The following HIPK3 variants were observed in gnomAD, a reference collection of about 807,000 sequenced individuals.
The protein encoded by HIPK3 is homeodomain-interacting protein kinase 3.
HIPK3 carries 47 observed loss-of-function variants against 124.2 expected under a neutral mutation model. The ratio of observed to expected loss-of-function variants is 0.38; its 90% CI spans 0.30 to 0.48. The LOEUF is 0.48. Among genes scored for constraint, HIPK3 ranks in the 20% least tolerant of loss-of-function variants. The pLI is 0.98. For missense variants in HIPK3, 1,286 were observed against 1,454.3 expected, an observed-to-expected ratio of 0.88 and a Z score of 1.88; for synonymous variants, 482 against 515.2, an observed-to-expected ratio of 0.94 and a Z score of 0.87.
chr11:33,336,867 A>C (rs1449693171), intron 3 of HIPK3, among the ~76,000 whole-genome samples: 1 of 152,222 alleles, frequency 6.6e-6, no homozygotes, highest in Non-Finnish European at 1.5e-5. Flanking sequence ...TACTTTAGGT[A>C]TGCCTTTTCT....
At chr11:33,278,679 C>T (rs1851331991) in intron 1 of HIPK3, among the ~76,000 whole-genome samples, 1 of 152,028 alleles carries the variant, frequency 6.6e-6, no homozygotes, top group Non-Finnish European at 1.5e-5. Context: ...TCCGTCTCTA[C>T]TAAAAATACG....
intron 1 of HIPK3, among the ~76,000 whole-genome samples, chr11:33,273,428 G>A (rs1387502612): frequency 4.4e-5 from 6 of 135,594 alleles, no homozygotes; most frequent in African/African-American, 1.7e-4. Context: ...AGAATGGCGT[G>A]AACCTGGGAG....
intron 2 of HIPK3, among the ~76,000 whole-genome samples, chr11:33,295,873 AT>A (rs1351325884): frequency 6.6e-6 from 1 of 152,254 alleles, no homozygotes; most frequent in East Asian, 1.9e-4. Flanking sequence ...TAAAGTTACC[AT>A]TTTTTTCTTT....
chr11:33,293,308 T>A, intron 2 of HIPK3, among the ~76,000 whole-genome samples: 1 of 152,214 alleles, frequency 6.6e-6, no homozygotes, highest in East Asian at 1.9e-4. Context: ...GCACAATCAA[T>A]TAAAATTTTA....
intron 1 of HIPK3, among the ~76,000 whole-genome samples, chr11:33,272,592 A>G (rs1385421423): frequency 6.6e-6 from 1 of 151,736 alleles, no homozygotes; most frequent in Non-Finnish European, 1.5e-5. Flanking sequence ...AATGAGAGAG[A>G]TCTTTCTCCT....
intron 2 of HIPK3, among the ~76,000 whole-genome samples, chr11:33,288,045 A>G (rs1329630113): frequency 6.6e-6 from 1 of 152,170 alleles, no homozygotes; most frequent in Non-Finnish European, 1.5e-5. Context: ...CCCAAATTTG[A>G]AAATTCGTTT....
chr11:33,292,880 C>T (rs920555904), intron 2 of HIPK3, among the ~76,000 whole-genome samples: 6 of 152,086 alleles, frequency 3.9e-5, no homozygotes, highest in African/African-American at 7.2e-5. Context: ...GGACTACAGG[C>T]GCCCGCCACC....
rs111337935 is a variant in HIPK3 at position 33,278,124 on chromosome 11, A to G, written c.-2-8289A>G. On this transcript the variant is annotated intron_variant, in intron 1 of 16. Coordinates refer to ENST00000303296, the MANE Select transcript of HIPK3 (RefSeq NM_005734.5). Reference sequence around the variant, plus strand: ...GTTTTTTACATCTTCTTTAAAGAAAACCTCTCCTTTCTGTCAGAGGTTGAT... The same window carrying G: ...GTTTTTTACATCTTCTTTAAAGAAAGCCTCTCCTTTCTGTCAGAGGTTGAT... Among the ~76,000 whole-genome samples the G allele has an allele frequency of 2.4e-3, 371 of 152,164 alleles. 1 individual carries two copies. Among genetic ancestry groups the G allele is most frequent in the African/African-American group, 8.4e-3 (348 of 41,496 alleles).
chr11:33,334,193 T>C (rs1853070087), intron 3 of HIPK3, among the ~76,000 whole-genome samples: 1 of 152,102 alleles, frequency 6.6e-6, no homozygotes, highest in East Asian at 1.9e-4. Context: ...TGTAAAAAAT[T>C]GTAATATAGT....
chr11:33,351,765 CCAG>C lies in HIPK3; in HGVS notation c.2967_2969del (p.Ala990del), dbSNP rs1286677351. The C allele has an allele frequency of 6.2e-7, 1 of 1,614,160 alleles. No individual in the cohort carries two copies. Among genetic ancestry groups the C allele is most frequent in the East Asian group, 2.2e-5 (1 of 44,884 alleles). On this transcript the variant is annotated inframe_deletion, in exon 15 of 17. Transcript: ENST00000303296. ...ATCCTCTGCTGACACAGAAACCAAG[CCAG>C]CTGTCTGTTCTGTTGTGGTGCCACC...
intron 1 of HIPK3, among the ~76,000 whole-genome samples, chr11:33,270,719 G>T (rs559756471): frequency 6.6e-6 from 1 of 152,238 alleles, no homozygotes; most frequent in Non-Finnish European, 1.5e-5. Flanking sequence ...ACTTTAGGAG[G>T]CTGAGGTAGG....
chr11:33,277,315 T>C (rs147650091), intron 1 of HIPK3, among the ~76,000 whole-genome samples: 1,969 of 152,302 alleles, frequency 0.013, 48 homozygotes, highest in African/African-American at 0.044. Flanking sequence ...TCTGCAACTT[T>C]TTTTGTTCTA....
intron 4 of HIPK3, among the ~76,000 whole-genome samples, chr11:33,338,228 A>G (rs1009060917): frequency 6.6e-6 from 1 of 151,986 alleles, no homozygotes; most frequent in African/African-American, 2.4e-5. Flanking sequence ...CTTCATAAAC[A>G]GTTATTATTA....
chr11:33,304,764 G>A (rs1852107009), intron 2 of HIPK3, among the ~76,000 whole-genome samples: 1 of 152,136 alleles, frequency 6.6e-6, no homozygotes, highest in South Asian at 2.1e-4. Flanking sequence ...TGTGTCTATG[G>A]ATACTTGTAG....
At chr11:33,352,396 C>T in intron 16 of HIPK3, 131 bp downstream of exon 16, 1 of 920,082 alleles carries the variant, frequency 1.1e-6, no homozygotes, top group Non-Finnish European at 1.7e-6. Flanking sequence ...TCCCAAGTGG[C>T]TAAAGAGTAA....
At chr11:33,276,797 C>G (rs768090591) in intron 1 of HIPK3, among the ~76,000 whole-genome samples, 6 of 152,118 alleles carry the variant, frequency 3.9e-5, no homozygotes, top group African/African-American at 1.2e-4. Flanking sequence ...CCCCTGCCTT[C>G]CGGATTCAAG....
chr11:33,287,408 G>T lies in HIPK3; in HGVS notation c.994G>T (p.Asp332Tyr). 1 of 1,614,172 alleles carries T rather than the reference G, an allele frequency of 6.2e-7. No individual in the cohort carries two copies. The highest frequency in any genetic ancestry group is 8.5e-7 in the Non-Finnish European group (1 of 1,180,044). ...DLKPENIMLVDPVRQPYRVKV... is the reference protein window; with the variant it reads ...DLKPENIMLVYPVRQPYRVKV... ...CAAGCCAGAGAATATTATGTTGGTG[G>T]ATCCTGTTCGGCAGCCTTACAGGGT... Residue 332 changes from aspartate (D) to tyrosine (Y), a missense_variant, in exon 2 of 17, where the codon GAT becomes TAT. By Grantham distance (160) the Asp-to-Tyr change is radical (BLOSUM62 -3). Coordinates refer to ENST00000303296, the MANE Select transcript of HIPK3 (RefSeq NM_005734.5).
At chr11:33,300,835 A>G (rs1198610563) in intron 2 of HIPK3, among the ~76,000 whole-genome samples, 3 of 152,150 alleles carry the variant, frequency 2.0e-5, no homozygotes, top group Admixed American at 6.5e-5. Flanking sequence ...CGCCGGGCTC[A>G]TATGACCCTC....
At chr11:33,256,739 T>G (rs1850675246), upstream of HIPK3, 1 of 982,984 alleles carries the variant, frequency 1.0e-6, no homozygotes, top group Admixed American at 6.2e-5. Context: ...TAACGGAGAA[T>G]TACCAATGTG....
Sources: allele counts gnomAD v4.1 joint callset (sites outside exome capture counted in the v4.1 genomes callset), GRCh38; gene constraint gnomAD v4.1.1; transcripts MANE v1.5; gene names NCBI Gene and HGNC (gene_info 2026-07-23, HGNC 2026-07-21).